ORAI2: variants seen among roughly 807,000 people sequenced by gnomAD.
ORAI2 encodes the protein protein orai-2.
ORAI2 carries 10 observed loss-of-function variants against 16.2 expected under a neutral mutation model. The ratio of observed to expected loss-of-function variants is 0.62; its 90% CI spans 0.38 to 1.04. The LOEUF (loss-of-function observed/expected upper bound fraction) is 1.04, where lower values mean the gene tolerates loss of function less well. Ranked by LOEUF, ORAI2 falls within the 50% of genes least tolerant of loss-of-function variation. The pLI is 0.01. For synonymous variants in ORAI2, 150 were observed against 157.5 expected (o/e 0.95, Z 0.35); for missense variants, 238 against 355.5 (o/e 0.67, Z 2.66).
chr7:102,439,073 C>G lies in ORAI2; in HGVS notation c.117C>G (p.Thr39=), dbSNP rs1455778897. Residue 39 remains threonine (T), a synonymous_variant, in exon 3 of 4, where the codon ACC becomes ACG. Coordinates refer to ENST00000495936, the MANE Select transcript of ORAI2 (RefSeq NM_001126340.3). ...GCCGCAGCTACCTGGAACTGGTCAC[C>G]TCTAACCACCACTCGGTACAGGCCC... ...WVRRSYLELV[T]SNHHSVQALS... is the part of the protein sequence containing the mutation. 8.7e-6 allele frequency: 14 copies of G among 1,613,978 alleles called. No individual in the cohort carries two copies. Among genetic ancestry groups the G allele is most frequent in the Non-Finnish European group, 1.2e-5 (14 of 1,180,056 alleles).
intron 3 of ORAI2, among the ~76,000 whole-genome samples, chr7:102,446,255 T>C (rs1797359612): frequency 6.6e-6 from 1 of 152,270 alleles, no homozygotes; most frequent in African/African-American, 2.4e-5. Flanking sequence ...GCCTCTTCTG[T>C]ACTGTTGAGA....
chr7:102,435,749 C>T (rs1797043653), intron 1 of ORAI2, among the ~76,000 whole-genome samples: 2 of 152,052 alleles, frequency 1.3e-5, no homozygotes, highest in South Asian at 2.1e-4. Context: ...ATTCTCCTGC[C>T]TCAGCCTCCT....
At chr7:102,446,383 C>A in intron 3 of ORAI2, 130 bp from the exon 4 acceptor site, 1 of 906,900 alleles carries the variant, frequency 1.1e-6, no homozygotes, top group Non-Finnish European at 1.6e-6. Context: ...TGAGTCCTGC[C>A]AGCAGGCAAG....
At position 102,447,103 on chromosome 7, in the gene ORAI2, G is replaced by A. The variant is rs1424007387; in HGVS notation, c.*51G>A. On this transcript the variant is annotated 3_prime_UTR_variant, in exon 4 of 4. Transcript: ENST00000495936. ...GGCCCTGTGCCCGGGAGTCCGCAGAGGCGGGGATTTGTCAGATGCAGACAT... is the reference window on the plus strand; with the variant it reads ...GGCCCTGTGCCCGGGAGTCCGCAGAAGCGGGGATTTGTCAGATGCAGACAT... 1 of 1,457,926 alleles carries A rather than the reference G, an allele frequency of 6.9e-7. No individual in the cohort carries two copies. Among genetic ancestry groups the A allele is most frequent in the South Asian group, 1.4e-5 (1 of 71,186 alleles). 90.3% of individuals were successfully genotyped at this position (1,457,926 alleles called of 1,614,324 possible).
rs1797426860 is a variant in ORAI2 at position 102,448,257 on chromosome 7, C to G, written c.*1205C>G. 6.6e-6 allele frequency: 1 copy of G among 152,340 alleles called. No individual in the cohort carries two copies. Among genetic ancestry groups the G allele is most frequent in the Admixed American group, 6.5e-5 (1 of 15,292 alleles). 9.4% of individuals were successfully genotyped at this position (152,340 alleles called of 1,614,324 possible). Reference sequence around the variant, plus strand: ...CGTGCAGTGCAGGTTCTGGCCTTTTCCTTGAAGGCATCTGGTAGACCCGAA... The same window carrying G: ...CGTGCAGTGCAGGTTCTGGCCTTTTGCTTGAAGGCATCTGGTAGACCCGAA... On this transcript the variant is annotated 3_prime_UTR_variant, in exon 4 of 4. Transcript: ENST00000495936.
chr7:102,445,779 C>T (rs1164138921), intron 3 of ORAI2, among the ~76,000 whole-genome samples: 1 of 151,930 alleles, frequency 6.6e-6, no homozygotes, highest in Non-Finnish European at 1.5e-5. Context: ...TTGTACCCAG[C>T]CAGTTTTTCA....
rs1032418751 is a variant in ORAI2 at position 102,449,798 on chromosome 7, G to A, written c.*2746G>A. On this transcript the variant is annotated 3_prime_UTR_variant, in exon 4 of 4. Transcript: ENST00000495936. ...GGAGGCTGAGGTGGGAGGATTGCTT[G>A]AGCCTGGGAAGTAGAGGCTGCAGTG... The A allele has an allele frequency of 3.9e-5, 6 of 152,322 alleles. No homozygotes were observed. Among genetic ancestry groups the A allele is most frequent in the Admixed American group, 3.9e-4 (6 of 15,254 alleles). 9.4% of individuals were successfully genotyped at this position (152,322 alleles called of 1,614,324 possible). A position where few individuals can be genotyped will look rare whatever the true frequency, so the allele number is the denominator to read the frequency against.
At chr7:102,434,983 T>G (rs1466681069) in intron 1 of ORAI2, among the ~76,000 whole-genome samples, 1 of 152,156 alleles carries the variant, frequency 6.6e-6, no homozygotes, top group Non-Finnish European at 1.5e-5. Flanking sequence ...AAAATTCTTT[T>G]TAGAGGCCAG....
At chr7:102,439,560 G>A (rs1217314860) in intron 3 of ORAI2, among the ~76,000 whole-genome samples, 1 of 152,048 alleles carries the variant, frequency 6.6e-6, no homozygotes, top group African/African-American at 2.4e-5. Flanking sequence ...AGGAGTTTGA[G>A]ACCAGCCTGG....
At chr7:102,442,876 T>C (rs1229959796) in intron 3 of ORAI2, among the ~76,000 whole-genome samples, 5 of 134,894 alleles carry the variant, frequency 3.7e-5, no homozygotes, top group Non-Finnish European at 6.3e-5. Context: ...AAAAAAACAT[T>C]AGCCGTGGTG....
rs1211786173 is a variant in ORAI2, at chr7:102,433,822, C to T, written c.-123+161C>T. The stretch of plus-strand genomic sequence containing the variant: ...GTTGGTGACCTCCACCCCGCGGGAT[C>T]CCTGGCGGGGTGCGGCGCCCAGAGG... On this transcript the variant is annotated intron_variant, in intron 1 of 3. Coordinates refer to ENST00000495936, the MANE Select transcript of ORAI2 (RefSeq NM_001126340.3). This position sits in a 1 kb window ranked among gnomAD's most constrained non-coding sequence, Gnocchi z 4.6. Among the ~76,000 whole-genome samples, 1 of 151,988 alleles carries T rather than the reference C, an allele frequency of 6.6e-6. No homozygotes were observed. The highest frequency in any genetic ancestry group is 1.5e-5 in the Non-Finnish European group (1 of 67,956).
rs1797487814 is a variant in ORAI2 at position 102,450,288 on chromosome 7, T to C, written c.*3236T>C. On this transcript the variant is annotated 3_prime_UTR_variant, in exon 4 of 4. Transcript: ENST00000495936. ...CTTTGGGTCAAGAAGACAGGCTGGC[T>C]CTCCTAAACAAACGGCTCCCCACGG... 1 of 151,842 alleles carries C rather than the reference T, an allele frequency of 6.6e-6. No homozygotes were observed. The highest frequency in any genetic ancestry group is 2.1e-4 in the South Asian group (1 of 4,808). 9.4% of individuals were successfully genotyped at this position (151,842 alleles called of 1,614,324 possible). A position where few individuals can be genotyped will look rare whatever the true frequency, so the allele number is the denominator to read the frequency against.
intron 2 of ORAI2, among the ~76,000 whole-genome samples, chr7:102,437,860 G>T (rs567306592): frequency 3.9e-4 from 60 of 152,080 alleles, no homozygotes; most frequent in Non-Finnish European, 7.9e-4. Flanking sequence ...AGACCAGCCT[G>T]GGCAATATAG....
At chr7:102,445,051 C>T (rs1272759616) in intron 3 of ORAI2, among the ~76,000 whole-genome samples, 2 of 152,316 alleles carry the variant, frequency 1.3e-5, no homozygotes, top group East Asian at 1.9e-4. Context: ...CCTCCGACTA[C>T]GGTTGATGAT....
In ORAI2 at chr7:102,451,869, G is replaced by A. The variant is rs1298315872; in HGVS notation, c.*4817G>A. 6.6e-6 allele frequency: 1 copy of A among 152,332 alleles called. No homozygotes were observed. Among genetic ancestry groups the A allele is most frequent in the Admixed American group, 6.5e-5 (1 of 15,290 alleles). The allele number at this position is 152,332 out of a possible 1,614,324, so 9.4% of individuals were successfully genotyped here. On this transcript the variant is annotated 3_prime_UTR_variant, in exon 4 of 4. Coordinates refer to ENST00000495936, the MANE Select transcript of ORAI2 (RefSeq NM_001126340.3). ...CATGGGGCTCCGCCCCGAGAGCGCA[G>A]GGTGCCTCTGCCTGGCGCTTCCCCT...
In ORAI2 at chr7:102,446,782, G is replaced by A. The variant is rs1174608798; in HGVS notation, c.495G>A (p.Val165=). ...VLGILLFLAE[V]VLLCWIKFLP... The stretch of plus-strand genomic sequence containing the variant: ...GCATCCTACTCTTCCTGGCCGAGGT[G>A]GTGCTGCTCTGCTGGATCAAGTTCC... Residue 165 remains valine, a synonymous_variant, in exon 4 of 4, where the codon GTG becomes GTA. Coordinates refer to ENST00000495936, the MANE Select transcript of ORAI2 (RefSeq NM_001126340.3). The A allele has an allele frequency of 6.2e-7, 1 of 1,614,154 alleles. No individual in the cohort carries two copies. Among genetic ancestry groups the A allele is most frequent in the Non-Finnish European group, 8.5e-7 (1 of 1,180,046 alleles).
intron 3 of ORAI2, among the ~76,000 whole-genome samples, chr7:102,443,598 C>G (rs760639949): frequency 2.6e-5 from 4 of 152,100 alleles, no homozygotes; most frequent in Admixed American, 2.6e-4. Context: ...AGAAAAACCA[C>G]CCCTCAGCCC....
chr7:102,445,801 T>TCTCTTTCTTTTCTTTC (rs1563638018), intron 3 of ORAI2, among the ~76,000 whole-genome samples: 4 of 141,146 alleles, frequency 2.8e-5, no homozygotes, highest in Admixed American at 1.4e-4. Flanking sequence ...TTCTTTCTTT[T>TCTCTTTCTTTTCTTTC]GTTTCCTTCC....
rs1052542330 is a variant in ORAI2, at chr7:102,448,280, G to C, written c.*1228G>C. The C allele has an allele frequency of 6.6e-6, 1 of 152,324 alleles. No homozygotes were observed. Among genetic ancestry groups the C allele is most frequent in the African/African-American group, 2.4e-5 (1 of 41,478 alleles). 9.4% of individuals were successfully genotyped at this position (152,324 alleles called of 1,614,324 possible). On this transcript the variant is annotated 3_prime_UTR_variant, in exon 4 of 4. Coordinates refer to ENST00000495936, the MANE Select transcript of ORAI2 (RefSeq NM_001126340.3). ...TTCCTTGAAGGCATCTGGTAGACCC[G>C]AAGCCACGCTCTCGGGCCGCACATG...
Sources: allele counts gnomAD v4.1 joint callset (sites outside exome capture counted in the v4.1 genomes callset), GRCh38; gene constraint gnomAD v4.1.1; non-coding constraint Gnocchi (gnomAD v3.1); transcripts MANE v1.5; gene names NCBI Gene and HGNC (gene_info 2026-07-23, HGNC 2026-07-21).